LMAN1L: variants seen among roughly 807,000 people sequenced by gnomAD.
LMAN1L encodes the protein protein ERGIC-53-like.
A neutral mutation model predicts 58.3 loss-of-function variants in LMAN1L; 60 were observed. The ratio of observed to expected loss-of-function variants is 1.03; its 90% CI spans 0.84 to 1.27. The LOEUF (loss-of-function observed/expected upper bound fraction) is 1.27, where lower values mean the gene tolerates loss of function less well. LMAN1L is among the 50% of genes most tolerant of loss of function. The probability of loss-of-function intolerance (pLI) is 0.00; values close to 1 mark genes in which losing one functional copy is unlikely to be tolerated. For missense variants in LMAN1L, 629 were observed against 674.0 expected, an observed-to-expected ratio of 0.93 and a Z score of 0.74; for synonymous variants, 280 against 271.6, an observed-to-expected ratio of 1.03 and a Z score of -0.31.
At position 74,813,851 on chromosome 15, in the gene LMAN1L, G is replaced by T. The variant is rs192501194; in HGVS notation, c.175+822G>T. ...CTATAAAATGTGAGTTCTTGGCCAG[G>T]TGCAGTGGCTCACGCCTGTAATCCC... On this transcript the variant is annotated intron_variant, in intron 1 of 13. Coordinates refer to ENST00000309664, the MANE Select transcript of LMAN1L (RefSeq NM_021819.3). Among the ~76,000 whole-genome samples, 58 of 152,310 alleles carry T rather than the reference G, an allele frequency of 3.8e-4. 1 individual carries two copies. Among genetic ancestry groups the T allele is most frequent in the Middle Eastern group, 6.8e-3 (2 of 294 alleles).
At chr15:74,823,468 C>A in intron 11 of LMAN1L, 91 bp from the exon 12 acceptor site, 1 of 1,449,894 alleles carries the variant, frequency 6.9e-7, no homozygotes, top group Non-Finnish European at 9.5e-7. Flanking sequence ...CATCCATGTG[C>A]TGCCCTTGGG....
chr15:74,814,577 G>A (rs941738694), intron 1 of LMAN1L, among the ~76,000 whole-genome samples: 2 of 152,122 alleles, frequency 1.3e-5, no homozygotes, highest in Admixed American at 1.3e-4. Context: ...GTTTCACCTT[G>A]TTAGCCAGGA....
At chr15:74,824,587 GA>G in intron 13 of LMAN1L, 109 bp downstream of exon 13, 1 of 1,283,842 alleles carries the variant, frequency 7.8e-7, no homozygotes, top group Non-Finnish European at 1.1e-6. Context: ...GGGACCTGCC[GA>G]GTCCCCAAAT....
rs767001234 is a variant in LMAN1L, at chr15:74,824,490, C to T, written c.1451+12C>T. The T allele has an allele frequency of 9.9e-6, 16 of 1,613,888 alleles. No individual in the cohort carries two copies. The highest frequency in any genetic ancestry group is 2.7e-5 in the African/African-American group (2 of 74,944). ...TACGTGCACTTCAGGTGGGCCACCC[C>T]GTGAGCAGGATTTCCCACAGCACTG... On this transcript the variant is annotated intron_variant, in intron 13 of 13. Coordinates refer to ENST00000309664, the MANE Select transcript of LMAN1L (RefSeq NM_021819.3).
intron 4 of LMAN1L, 38 bp downstream of exon 4, chr15:74,816,728 T>C: frequency 1.3e-6 from 2 of 1,597,768 alleles, no homozygotes; most frequent in African/African-American, 1.3e-5. Context: ...ACCTCCATTT[T>C]TGCACTGGGA....
chr15:74,825,190 T>G lies in LMAN1L; in HGVS notation c.1452-286T>G. 6 of 252,742 alleles carry G rather than the reference T, an allele frequency of 2.4e-5. No homozygotes were observed. In the East Asian group the frequency reaches 2.4e-4, roughly 10 times the overall value. The allele number at this position is 252,742 out of a possible 1,614,324, so 15.7% of individuals were successfully genotyped here. ...GGCTGGGATGGTCCTGGAGGAGGAG[T>G]AAAATGAGCTAAGCTTTAAAAAGCA... On this transcript the variant is annotated intron_variant, in intron 13 of 13. Coordinates refer to ENST00000309664, the MANE Select transcript of LMAN1L (RefSeq NM_021819.3).
At chr15:74,822,225 G>A (rs2063920292) in intron 10 of LMAN1L, among the ~76,000 whole-genome samples, 1 of 152,142 alleles carries the variant, frequency 6.6e-6, no homozygotes. Context: ...AATTAGCTGG[G>A]CGTGGTGGCA....
At position 74,812,883 on chromosome 15, in the gene LMAN1L, T is replaced by C. The variant is rs144264457; in HGVS notation, c.29T>C (p.Leu10Ser). MPAVSGPGP[L>S]FCLLLLLLDP... Reference sequence around the variant, plus strand: ...CCGGCGGTCAGTGGTCCAGGTCCCTTATTCTGCCTTCTCCTCCTGCTCCTG... The same window carrying C: ...CCGGCGGTCAGTGGTCCAGGTCCCTCATTCTGCCTTCTCCTCCTGCTCCTG... The change falls in exon 1 of 14, where the codon TTA becomes TCA. Residue 10 changes from leucine to serine, a missense_variant. Coordinates refer to ENST00000309664, the MANE Select transcript of LMAN1L (RefSeq NM_021819.3). 6.2e-6 allele frequency: 10 copies of C among 1,611,660 alleles called. No individual in the cohort carries two copies. In the African/African-American group the frequency reaches 1.3e-4, roughly 22 times the overall value.
intron 6 of LMAN1L, 52 bp downstream of exon 6, chr15:74,819,324 A>C (rs1388484901): frequency 6.3e-7 from 1 of 1,591,726 alleles, no homozygotes; most frequent in South Asian, 1.1e-5. Context: ...TGAATAAATC[A>C]CCCTCAGCAC....
chr15:74,812,921 CCT>C lies in LMAN1L; in HGVS notation c.68_69del (p.Pro23ArgfsTer11). 6.2e-7 allele frequency: 1 copy of C among 1,614,072 alleles called. No homozygotes were observed. The highest frequency in any genetic ancestry group is 2.2e-5 in the East Asian group (1 of 44,888). ...CCTCCTGCTCCTGGACCCCCACAGC[CCT>C]GAGACGGGGTGTCCTCCTCTACGCA... is the stretch of plus-strand genomic sequence containing the variant. ...LLLLLLDPHSPETGCPPLRRF... is the reference protein window; with the variant it reads ...LLLLLLDPHSXETGCPPLRRF... On this transcript the variant is annotated frameshift_variant, in exon 1 of 14. Transcript: ENST00000309664. LOFTEE classifies it high-confidence loss of function.
At chr15:74,817,197 G>A (rs922175103) in intron 4 of LMAN1L, among the ~76,000 whole-genome samples, 1 of 152,088 alleles carries the variant, frequency 6.6e-6, no homozygotes, top group South Asian at 2.1e-4. Context: ...ACCTTCTCTC[G>A]GCTCATAACA....
At position 74,825,686 on chromosome 15, in the gene LMAN1L, G is replaced by A; in HGVS notation, c.*81G>A. Reference sequence around the variant, plus strand: ...GCTTGGTCAGTATCCTCTCCGTCTGGGTGCCCAGCTCCCACGCACACCTGA... The same window carrying A: ...GCTTGGTCAGTATCCTCTCCGTCTGAGTGCCCAGCTCCCACGCACACCTGA... On this transcript the variant is annotated 3_prime_UTR_variant, in exon 14 of 14. Transcript: ENST00000309664. 1.4e-6 allele frequency: 2 copies of A among 1,453,320 alleles called. No homozygotes were observed. Among genetic ancestry groups the A allele is most frequent in the Non-Finnish European group, 1.9e-6 (2 of 1,062,140 alleles). The allele number at this position is 1,453,320 out of a possible 1,614,324, so 90.0% of individuals were successfully genotyped here.
chr15:74,825,243 C>G lies in LMAN1L; in HGVS notation c.1452-233C>G, dbSNP rs1376114350. 1.6e-5 allele frequency: 7 copies of G among 449,720 alleles called. No individual in the cohort carries two copies. The East Asian group carries it at 2.0e-4, about 13-fold the overall frequency. 27.9% of individuals were successfully genotyped at this position (449,720 alleles called of 1,614,324 possible). Reference sequence around the variant, plus strand: ...AGGTAGAAATGCTCACAGGCTTCAGCACATGCACAGGAGTGCAGTGGTGGC... The same window carrying G: ...AGGTAGAAATGCTCACAGGCTTCAGGACATGCACAGGAGTGCAGTGGTGGC... On this transcript the variant is annotated intron_variant, in intron 13 of 13. Coordinates refer to ENST00000309664, the MANE Select transcript of LMAN1L (RefSeq NM_021819.3).
At chr15:74,824,318 G>A (rs2063931060) in intron 12 of LMAN1L, 33 bp from the exon 13 acceptor site, 1 of 1,603,734 alleles carries the variant, frequency 6.2e-7, no homozygotes, top group African/African-American at 1.3e-5. Flanking sequence ...TGGGTAAGAA[G>A]CTAAGCTAGG....
chr15:74,813,472 C>A (rs2141112069), intron 1 of LMAN1L: 1 of 457,578 alleles, frequency 2.2e-6, no homozygotes. Flanking sequence ...GAAGCATCCT[C>A]ATCCCAGGTG....
intron 7 of LMAN1L, 199 bp downstream of exon 7, chr15:74,820,298 T>C: frequency 1.6e-6 from 1 of 630,396 alleles, no homozygotes. Flanking sequence ...GCTCAGGCTG[T>C]GACATTACAG....
At chr15:74,825,436 GA>G in intron 13 of LMAN1L, 39 bp from the exon 14 acceptor site, 1 of 1,584,164 alleles carries the variant, frequency 6.3e-7, no homozygotes, top group Non-Finnish European at 8.6e-7. Context: ...GCCCATAAAG[GA>G]GAGACGCAAG....
rs2063931798 is a variant in LMAN1L at position 74,824,440 on chromosome 15, C to T, written c.1413C>T (p.Leu471=). 6.2e-7 allele frequency: 1 copy of T among 1,614,126 alleles called. No homozygotes were observed. Among genetic ancestry groups the T allele is most frequent in the African/African-American group, 1.3e-5 (1 of 74,960 alleles). The part of the protein sequence containing the change: ...LQPGIFLFYL[L]IQTVGFFGYV... ...CTGGCATCTTCCTGTTCTACCTCCT[C>T]ATTCAGACTGTAGGCTTCTTCGGCT... Residue 471 remains leucine, a synonymous_variant, in exon 13 of 14, where the codon CTC becomes CTT. Transcript: ENST00000309664.
At chr15:74,813,552 G>A (rs1423114691) in intron 1 of LMAN1L, 1 of 437,460 alleles carries the variant, frequency 2.3e-6, no homozygotes, top group Non-Finnish European at 4.6e-6. Flanking sequence ...TTAGCCCATA[G>A]GTTTGTATTC....
Sources: allele counts gnomAD v4.1 joint callset (sites outside exome capture counted in the v4.1 genomes callset), GRCh38; gene constraint gnomAD v4.1.1; transcripts MANE v1.5; gene names NCBI Gene and HGNC (gene_info 2026-07-23, HGNC 2026-07-21).